The following ARAP2 variants were observed in gnomAD, a reference collection of about 807,000 sequenced individuals.
ARAP2 encodes the protein ArfGAP with RhoGAP domain, ankyrin repeat and PH domain 2.
Under a neutral mutation model 194.5 loss-of-function variants are expected in ARAP2, and 148 were observed. That is an observed-to-expected ratio of 0.76 (90% CI 0.67 to 0.87). The LOEUF (loss-of-function observed/expected upper bound fraction) is 0.87, where lower values mean the gene tolerates loss of function less well. Ranked by LOEUF, ARAP2 falls within the 40% of genes least tolerant of loss-of-function variation. The pLI is 0.00. For synonymous variants in ARAP2, 695 were observed against 683.5 expected, an observed-to-expected ratio of 1.02 and a Z score of -0.26; for missense variants, 2,128 against 1,989.7, an observed-to-expected ratio of 1.07 and a Z score of -1.32.
chr4:36,045,462 A>G (rs962490601), intron 5 of ARAP2, among the ~76,000 whole-genome samples: 4 of 152,262 alleles, frequency 2.6e-5, no homozygotes, highest in Middle Eastern at 3.4e-3. Context: ...ACCATGTAAT[A>G]TTACTTACAT....
chr4:36,187,394 A>G, intron 8 of ARAP2, 57 bp downstream of exon 8: 1 of 990,852 alleles, frequency 1.0e-6, no homozygotes, highest in Non-Finnish European at 1.4e-6. Flanking sequence ...TAACTGGTTT[A>G]TTAATATGAT....
chr4:36,074,002 T>C (rs1560371184), intron 31 of ARAP2, among the ~76,000 whole-genome samples, 179 bp from the exon 32 acceptor site: 2 of 152,168 alleles, frequency 1.3e-5, no homozygotes, highest in South Asian at 4.1e-4. Context: ...CATGAAACTC[T>C]TAACTGAACT....
intron 9 of ARAP2, among the ~76,000 whole-genome samples, chr4:36,177,621 A>G (rs1391745888): frequency 6.6e-6 from 1 of 152,194 alleles, no homozygotes; most frequent in African/African-American, 2.4e-5. Context: ...GGTGATGTCC[A>G]GTTTCAAGTT....
chr4:36,171,569 T>A (rs920384676), intron 9 of ARAP2, among the ~76,000 whole-genome samples: 1 of 152,006 alleles, frequency 6.6e-6, no homozygotes, highest in African/African-American at 2.4e-5. Flanking sequence ...TACCTGATGC[T>A]AAATGATGAG....
In ARAP2 at chr4:36,229,381, T is replaced by TCA. The variant is rs1578357745; in HGVS notation, c.104_105dup (p.Lys36Ter). On this transcript the variant is annotated frameshift_variant, in exon 2 of 33. Coordinates refer to ENST00000303965, the MANE Select transcript of ARAP2 (RefSeq NM_015230.4). LOFTEE classifies it high-confidence loss of function. ...CTGTCATTTATTGCTGCACAGTCCTTCACAGTAGTAAAACCAGACTCATGG... is the reference window on the plus strand; with the variant it reads ...CTGTCATTTATTGCTGCACAGTCCTTCACACAGTAGTAAAACCAGACTCATGG... 8.7e-6 allele frequency: 14 copies of TCA among 1,614,112 alleles called. No individual in the cohort carries two copies. The highest frequency in any genetic ancestry group is 1.2e-5 in the Non-Finnish European group (14 of 1,179,986).
intron 32 of ARAP2, among the ~76,000 whole-genome samples, chr4:36,070,954 T>C (rs896945080): frequency 2.0e-5 from 3 of 152,164 alleles, no homozygotes; most frequent in African/African-American, 4.8e-5. Flanking sequence ...AGCTTGGCCT[T>C]TCTGAAATCA....
chr4:36,031,174 G>A (rs1049971063), intron 5 of ARAP2, among the ~76,000 whole-genome samples: 7 of 152,044 alleles, frequency 4.6e-5, no homozygotes, highest in Admixed American at 1.3e-4. Context: ...TCTGCATGAC[G>A]ATTGATTCTG....
intron 27 of ARAP2, among the ~76,000 whole-genome samples, chr4:36,097,854 T>G (rs1252063382): frequency 1.3e-5 from 2 of 152,070 alleles, no homozygotes. Flanking sequence ...AGGTTGGAGT[T>G]TATTGAAAGG....
chr4:36,042,018 A>G (rs1223210683), intron 5 of ARAP2, among the ~76,000 whole-genome samples: 1 of 152,112 alleles, frequency 6.6e-6, no homozygotes, highest in Non-Finnish European at 1.5e-5. Context: ...ACTGGGGTCT[A>G]CTTGAGGGGA....
chr4:36,211,004 TA>T (rs1443488079), intron 5 of ARAP2, among the ~76,000 whole-genome samples: 1 of 152,146 alleles, frequency 6.6e-6, no homozygotes, highest in Non-Finnish European at 1.5e-5. Flanking sequence ...TTTGGAAGGT[TA>T]GGGGCAGGTG....
At chr4:36,137,352 G>GAT (rs1241188536) in intron 19 of ARAP2, among the ~76,000 whole-genome samples, 1 of 151,832 alleles carries the variant, frequency 6.6e-6, no homozygotes, top group African/African-American at 2.4e-5. Context: ...TACATCCAGA[G>GAT]ATATATATTA....
At chr4:36,031,708 G>A (rs941708975) in intron 5 of ARAP2, among the ~76,000 whole-genome samples, 3 of 147,966 alleles carry the variant, frequency 2.0e-5, no homozygotes, top group Admixed American at 1.4e-4. Flanking sequence ...TCGCTCTGTC[G>A]CCCAGGCTGG....
At chr4:36,148,572 C>T (rs1009949380) in intron 16 of ARAP2, 65 bp from the exon 17 acceptor site, 86 of 1,118,482 alleles carry the variant, frequency 7.7e-5, no homozygotes, top group Non-Finnish European at 1.1e-4. Flanking sequence ...ATGAATAACA[C>T]AAAGGTCATG....
chr4:36,131,616 TA>T (rs1725478707), intron 20 of ARAP2, among the ~76,000 whole-genome samples: 1 of 151,642 alleles, frequency 6.6e-6, no homozygotes, highest in African/African-American at 2.4e-5. Context: ...TAAACTTAAA[TA>T]AACACAAGGA....
At chr4:36,152,481 G>A (rs1731228405) in intron 15 of ARAP2, among the ~76,000 whole-genome samples, 1 of 152,056 alleles carries the variant, frequency 6.6e-6, no homozygotes, top group South Asian at 2.1e-4. Context: ...CTTTGTAAGA[G>A]AATAAATAAA....
Position 36,091,884 on chromosome 4 carries a change from C to T in ARAP2, c.4422G>A (p.Val1474=), listed in dbSNP as rs145513915. The change falls in exon 28 of 33, where the codon GTG becomes GTA. Residue 1474 remains valine (V), a synonymous_variant. Coordinates refer to ENST00000303965, the MANE Select transcript of ARAP2 (RefSeq NM_015230.4). ...TACGCATGTTCAAATACTATACCTTCACATCCTTGTAAAGAAAGAGAAACC... is the reference window on the plus strand; with the variant it reads ...TACGCATGTTCAAATACTATACCTTTACATCCTTGTAAAGAAAGAGAAACC... ...RDGFLFLYKD[V]KSSKHDKMFS... 810 of 1,599,982 alleles carry T rather than the reference C, an allele frequency of 5.1e-4. 9 individuals carry two copies. In the Middle Eastern group the frequency reaches 0.016, roughly 31 times the overall value.
chr4:36,187,016 C>T (rs1257085318), intron 8 of ARAP2, among the ~76,000 whole-genome samples: 1 of 152,196 alleles, frequency 6.6e-6, no homozygotes, highest in African/African-American at 2.4e-5. Context: ...TTGTCTTCCA[C>T]GAAACCAGTC....
At chr4:36,049,644 A>G (rs1366329640) in intron 3 of ARAP2, among the ~76,000 whole-genome samples, 1 of 152,178 alleles carries the variant, frequency 6.6e-6, no homozygotes, top group Non-Finnish European at 1.5e-5. Context: ...TGTCTCATAG[A>G]TTGGTATTCA....
At chr4:36,027,316 A>T (rs1718088789) in intron 5 of ARAP2, among the ~76,000 whole-genome samples, 1 of 151,980 alleles carries the variant, frequency 6.6e-6, no homozygotes, top group Non-Finnish European at 1.5e-5. Flanking sequence ...GTGAGATTCT[A>T]ACCTAAATCC....
Sources: allele counts gnomAD v4.1 joint callset (sites outside exome capture counted in the v4.1 genomes callset), GRCh38; gene constraint gnomAD v4.1.1; transcripts MANE v1.5; gene names NCBI Gene and HGNC (gene_info 2026-07-23, HGNC 2026-07-21).